FAM169A: variants seen among roughly 807,000 people sequenced by gnomAD.
FAM169A encodes family with sequence similarity 169 member A.
In FAM169A, 24 loss-of-function variants were observed where a neutral mutation model predicts 75.7. The observed-to-expected ratio is 0.32, with a 90% CI of 0.23 to 0.45. The LOEUF is 0.45. Among genes scored for constraint, FAM169A ranks in the 20% least tolerant of loss-of-function variants. The probability of loss-of-function intolerance (pLI) is 1.00; values close to 1 mark genes in which losing one functional copy is unlikely to be tolerated. For synonymous variants in FAM169A, 271 were observed against 271.0 expected, an observed-to-expected ratio of 1.00 and a Z score of 0.00; for missense variants, 673 against 784.0, an observed-to-expected ratio of 0.86 and a Z score of 1.69.
chr5:74,837,986 G>C (rs1580147117), intron 4 of FAM169A, among the ~76,000 whole-genome samples: 1 of 151,454 alleles, frequency 6.6e-6, no homozygotes. Context: ...GCATGGTGGC[G>C]TATGTCTGTA....
intron 3 of FAM169A, among the ~76,000 whole-genome samples, chr5:74,839,323 G>A (rs541341846): frequency 9.2e-5 from 14 of 152,042 alleles, no homozygotes; most frequent in African/African-American, 1.4e-4. Context: ...GAGGTGATTC[G>A]ATCATGGGTC....
chr5:74,797,177 GTGTT>G (rs1016620664), intron 10 of FAM169A, among the ~76,000 whole-genome samples: 8 of 152,194 alleles, frequency 5.3e-5, no homozygotes, highest in Middle Eastern at 3.4e-3. Flanking sequence ...ATATTTGTTT[GTGTT>G]TGTTTTTGTT....
Position 74,778,159 on chromosome 5 carries a change from A to C in FAM169A, c.*3301T>G, listed in dbSNP as rs981460389. On this transcript the variant is annotated 3_prime_UTR_variant, in exon 13 of 13. Coordinates refer to ENST00000687041, the MANE Select transcript of FAM169A (RefSeq NM_001376049.1). ...AAATACTATCTTGTAAGGTACAAAG[A>C]AAGCTTGATATTAAGTATGAAAACA... 1 of 152,112 alleles carries C rather than the reference A, an allele frequency of 6.6e-6. No individual in the cohort carries two copies. Among genetic ancestry groups the C allele is most frequent in the African/African-American group, 2.4e-5 (1 of 41,466 alleles). The allele number at this position is 152,112 out of a possible 1,614,324, so 9.4% of individuals were successfully genotyped here. A position where few individuals can be genotyped will look rare whatever the true frequency, so the allele number is the denominator to read the frequency against.
intron 7 of FAM169A, 86 bp downstream of exon 7, chr5:74,805,069 CT>C: frequency 8.6e-7 from 1 of 1,161,208 alleles, no homozygotes. Context: ...TTAGCCTCTG[CT>C]TTTTAAACTG....
At chr5:74,848,062 C>A (rs916070870) in intron 1 of FAM169A, among the ~76,000 whole-genome samples, 1 of 152,000 alleles carries the variant, frequency 6.6e-6, no homozygotes, top group Non-Finnish European at 1.5e-5. Context: ...TTCCAAAGGC[C>A]CAGACACACA....
Position 74,781,423 on chromosome 5 carries a change from A to T in FAM169A, c.*37T>A. 2 of 1,574,638 alleles carry T rather than the reference A, an allele frequency of 1.3e-6. No individual in the cohort carries two copies. Among genetic ancestry groups the T allele is most frequent in the Non-Finnish European group, 1.7e-6 (2 of 1,154,090 alleles). ...ATATTTTAAAAACAACAACTATGTT[A>T]CAAAGAAGAGGATTTATCATCCACT... On this transcript the variant is annotated 3_prime_UTR_variant, in exon 13 of 13. Coordinates refer to ENST00000687041, the MANE Select transcript of FAM169A (RefSeq NM_001376049.1).
At chr5:74,857,805 T>C (rs1223489471) in intron 1 of FAM169A, among the ~76,000 whole-genome samples, 1 of 152,008 alleles carries the variant, frequency 6.6e-6, no homozygotes, top group Non-Finnish European at 1.5e-5. Flanking sequence ...TTGGTATGTT[T>C]CCAACTAGAG....
At chr5:74,786,301 A>C (rs891372214) in intron 11 of FAM169A, among the ~76,000 whole-genome samples, 5 of 152,174 alleles carry the variant, frequency 3.3e-5, no homozygotes, top group Admixed American at 6.5e-5. Context: ...ATTCCTCTAG[A>C]GAACCCTAAC....
chr5:74,803,219 G>A (rs1404156576), intron 8 of FAM169A, among the ~76,000 whole-genome samples: 1 of 151,944 alleles, frequency 6.6e-6, no homozygotes, highest in Non-Finnish European at 1.5e-5. Context: ...GTAAATCATT[G>A]CTCTCGTTAC....
intron 8 of FAM169A, among the ~76,000 whole-genome samples, chr5:74,804,226 A>G (rs1181582816): frequency 2.6e-5 from 4 of 152,094 alleles, no homozygotes; most frequent in Admixed American, 2.6e-4. Flanking sequence ...GGGATTATAG[A>G]TTTTTATTTT....
At chr5:74,791,573 C>T (rs1745978314) in intron 11 of FAM169A, among the ~76,000 whole-genome samples, 1 of 152,146 alleles carries the variant, frequency 6.6e-6, no homozygotes, top group Non-Finnish European at 1.5e-5. Flanking sequence ...GGGTGACTGA[C>T]CCAGACTATC....
At chr5:74,841,815 T>A in intron 1 of FAM169A, 136 bp from the exon 2 acceptor site, 1 of 712,374 alleles carries the variant, frequency 1.4e-6, no homozygotes, top group South Asian at 2.3e-5. Flanking sequence ...GCCCGCAGAA[T>A]ACAACTTGAA....
intron 5 of FAM169A, among the ~76,000 whole-genome samples, chr5:74,829,753 C>T (rs1462538474): frequency 2.0e-5 from 3 of 152,184 alleles, no homozygotes; most frequent in Admixed American, 6.5e-5. Context: ...ACAGGTGGAT[C>T]ATCTGAGGTC....
intron 1 of FAM169A, among the ~76,000 whole-genome samples, chr5:74,858,618 GC>G (rs1418297687): frequency 2.6e-5 from 4 of 152,028 alleles, no homozygotes; most frequent in Admixed American, 2.6e-4. Flanking sequence ...GGGTCAAAAA[GC>G]TACCTATCAG....
intron 11 of FAM169A, among the ~76,000 whole-genome samples, chr5:74,794,057 A>G (rs998886812): frequency 2.0e-5 from 3 of 151,540 alleles, no homozygotes; most frequent in South Asian, 4.2e-4. Context: ...ATATCATTTC[A>G]TGAGGGTGGG....
At chr5:74,807,141 C>A (rs1056022989) in intron 6 of FAM169A, among the ~76,000 whole-genome samples, 1 of 152,100 alleles carries the variant, frequency 6.6e-6, no homozygotes, top group African/African-American at 2.4e-5. Context: ...TCTGATAAAC[C>A]CATCATAAAT....
At chr5:74,816,735 T>C (rs1747491385) in intron 5 of FAM169A, among the ~76,000 whole-genome samples, 1 of 152,206 alleles carries the variant, frequency 6.6e-6, no homozygotes, top group South Asian at 2.1e-4. Flanking sequence ...TAGGTAAAGT[T>C]TTCATTAAAT....
In FAM169A at chr5:74,857,571, G is replaced by GAAAAAAAA. The variant is rs1561328873; in HGVS notation, c.-4+8593_-4+8594insTTTTTTTT. 2.7e-4 allele frequency among the ~76,000 whole-genome samples: 18 copies of GAAAAAAAA among 65,738 alleles called. 1 individual carries two copies. Among genetic ancestry groups the GAAAAAAAA allele is most frequent in the African/African-American group, 6.3e-4 (10 of 15,908 alleles). The allele number at this position is 65,738 out of a possible 152,430, so 43.1% of individuals were successfully genotyped here. ...GGTGACAGAGCCAGACCTTGCCGCG[G>GAAAAAAAA]GAAAAAAAAAAAAAAAAAAAAAAAA... On this transcript the variant is annotated intron_variant, in intron 1 of 12. Transcript: ENST00000687041.
intron 1 of FAM169A, among the ~76,000 whole-genome samples, chr5:74,842,667 G>T (rs1441244838): frequency 6.6e-6 from 1 of 151,638 alleles, no homozygotes; most frequent in African/African-American, 2.4e-5. Flanking sequence ...AAAGTGCTGG[G>T]ATTACAGACA....
Sources: gnomAD v4.1 joint callset for allele counts (sites outside exome capture counted in the v4.1 genomes callset) on GRCh38, gnomAD v4.1.1 for gene constraint, MANE v1.5 for transcripts, NCBI Gene and HGNC (gene_info 2026-07-23, HGNC 2026-07-21) for gene names.